The following ATP2A1 variants were observed in gnomAD, a reference collection of about 807,000 sequenced individuals.
ATP2A1 encodes the protein sarcoplasmic/endoplasmic reticulum calcium ATPase 1.
A neutral mutation model predicts 109.5 loss-of-function variants in ATP2A1; 83 were observed. The ratio of observed to expected loss-of-function variants is 0.76; its 90% CI spans 0.63 to 0.91. The LOEUF (loss-of-function observed/expected upper bound fraction) is 0.91, where lower values mean the gene tolerates loss of function less well. Ranked by LOEUF, ATP2A1 falls within the 40% of genes least tolerant of loss-of-function variation. The pLI is 0.00. For synonymous variants in ATP2A1, 505 were observed against 537.6 expected (o/e 0.94, Z 0.84); for missense variants, 1,101 against 1,341.0 (o/e 0.82, Z 2.80).
intron 9 of ATP2A1, among the ~76,000 whole-genome samples, chr16:28,890,883 G>T (rs1025134890): frequency 6.6e-6 from 1 of 151,972 alleles, no homozygotes; most frequent in East Asian, 2.0e-4. Context: ...ATGGGGTTTC[G>T]CCATGTTGAC....
chr16:28,885,936 CAGG>C (rs1963603504), intron 6 of ATP2A1, among the ~76,000 whole-genome samples: 1 of 151,518 alleles, frequency 6.6e-6, no homozygotes, highest in South Asian at 2.1e-4. Flanking sequence ...GAGGCTGAGG[CAGG>C]AGAATTACTT....
At position 28,902,239 on chromosome 16, in the gene ATP2A1, C is replaced by T. The variant is rs1023154084; in HGVS notation, c.2377C>T (p.Leu793=). ...LPEALIPVQL[L]WVNLVTDGLP... The stretch of plus-strand genomic sequence containing the variant: ...TGAGGCCCTGATCCCGGTGCAGCTG[C>T]TATGGGTGAACTTGGTGACCGACGG... The change falls in exon 17 of 23, where the codon CTA becomes TTA. Residue 793 remains leucine (L), a synonymous_variant. Coordinates refer to ENST00000395503, the MANE Select transcript of ATP2A1 (RefSeq NM_004320.6). The surrounding 1 kb of genome is among the most constrained non-coding windows in gnomAD (Gnocchi z 4.8). 8 of 1,614,020 alleles carry T rather than the reference C, an allele frequency of 5.0e-6. No homozygotes were observed. The highest frequency in any genetic ancestry group is 3.3e-5 in the Admixed American group (2 of 59,988).
intron 2 of ATP2A1, 40 bp downstream of exon 2, chr16:28,879,156 C>T (rs1359417325): frequency 6.2e-7 from 1 of 1,611,562 alleles, no homozygotes; most frequent in Non-Finnish European, 8.5e-7. Context: ...AAATGACCAC[C>T]CCCCACCCCG....
chr16:28,903,848 C>A lies in ATP2A1; in HGVS notation c.*37+107C>A. 1 of 1,114,270 alleles carries A rather than the reference C, an allele frequency of 9.0e-7. No homozygotes were observed. Among genetic ancestry groups the A allele is most frequent in the Non-Finnish European group, 1.4e-6 (1 of 733,710 alleles). 69.0% of individuals were successfully genotyped at this position (1,114,270 alleles called of 1,614,324 possible). On this transcript the variant is annotated intron_variant, in intron 22 of 22. Transcript: ENST00000395503. The surrounding 1 kb of genome is among the most constrained non-coding windows in gnomAD (Gnocchi z 5.6). ...AGGTCACTTGTGCTCGCAGCTCCAC[C>A]TGGAGCCGTTGCCACTGCTGCTGCT...
At position 28,887,491 on chromosome 16, in the gene ATP2A1, G is replaced by A; in HGVS notation, c.697G>A (p.Gly233Arg). Residue 233 changes from glycine (G) to arginine (R), a missense_variant, in exon 8 of 23, where the codon GGG becomes AGG. Gly to Arg is a moderately radical substitution (Grantham distance 125). Transcript: ENST00000395503. ...CACCACTGGTGTGGGCACCGAGATT[G>A]GGAAGATCCGAGACCAAATGGCTGC... ...VATTGVGTEIGKIRDQMAATE... is the reference protein window; with the variant it reads ...VATTGVGTEIRKIRDQMAATE... 1 of 1,614,114 alleles carries A rather than the reference G, an allele frequency of 6.2e-7. No homozygotes were observed. Among genetic ancestry groups the A allele is most frequent in the Non-Finnish European group, 8.5e-7 (1 of 1,180,012 alleles).
At chr16:28,893,131 C>G (rs908297931) in intron 9 of ATP2A1, among the ~76,000 whole-genome samples, 4 of 151,736 alleles carry the variant, frequency 2.6e-5, no homozygotes, top group African/African-American at 9.7e-5. Context: ...TGCCTGTACT[C>G]CCAGCACTTT....
In ATP2A1 at chr16:28,901,847, T is replaced by C; in HGVS notation, c.2101-16T>C. 6.2e-7 allele frequency: 1 copy of C among 1,611,170 alleles called. No homozygotes were observed. Among genetic ancestry groups the C allele is most frequent in the Non-Finnish European group, 8.5e-7 (1 of 1,178,178 alleles). On this transcript the variant is annotated splice_polypyrimidine_tract_variant and intron_variant, in intron 15 of 22. Coordinates refer to ENST00000395503, the MANE Select transcript of ATP2A1 (RefSeq NM_004320.6). ...GTGTGAAGGTGCCCTAAGCCCACCT[T>C]CTCCTCCTCCCTCAGACAGGTGATG...
intron 10 of ATP2A1, 64 bp from the exon 11 acceptor site, chr16:28,894,441 C>A: frequency 6.6e-7 from 1 of 1,504,832 alleles, no homozygotes; most frequent in Non-Finnish European, 9.1e-7. Flanking sequence ...TGTGCCCTCT[C>A]TGCATCTCAT....
rs886051883 is a variant in ATP2A1, at chr16:28,902,205, G to A, written c.2343G>A (p.Leu781=). ...EVVCIFLTAA[L]GLPEALIPVQ... is the part of the protein sequence containing the mutation. ...ACAGTATCTTCCTGACCGCTGCCCTGGGGCTGCCTGAGGCCCTGATCCCGG... is the reference window on the plus strand; with the variant it reads ...ACAGTATCTTCCTGACCGCTGCCCTAGGGCTGCCTGAGGCCCTGATCCCGG... The change falls in exon 17 of 23, where the codon CTG becomes CTA. Residue 781 remains leucine, a synonymous_variant. Transcript: ENST00000395503. The surrounding 1 kb of genome is among the most constrained non-coding windows in gnomAD (Gnocchi z 4.8). 28 of 1,614,022 alleles carry A rather than the reference G, an allele frequency of 1.7e-5. No individual in the cohort carries two copies. The highest frequency in any genetic ancestry group is 6.8e-6 in the Non-Finnish European group (8 of 1,180,022).
intron 9 of ATP2A1, chr16:28,892,461 G>A: frequency 4.5e-6 from 1 of 223,318 alleles, no homozygotes. Context: ...TGGCTCCTGG[G>A]CGAGACCCAC....
chr16:28,891,746 G>T (rs1305531094), intron 9 of ATP2A1, among the ~76,000 whole-genome samples: 1 of 151,750 alleles, frequency 6.6e-6, no homozygotes, highest in Non-Finnish European at 1.5e-5. Flanking sequence ...AGGCGTTGTG[G>T]TGGGCACCTG....
intron 12 of ATP2A1, among the ~76,000 whole-genome samples, chr16:28,895,224 A>T (rs1273161526): frequency 6.6e-6 from 1 of 152,218 alleles, no homozygotes; most frequent in East Asian, 1.9e-4. Context: ...GGAAACCACA[A>T]GGGACCCATC....
chr16:28,879,830 C>T (rs1302955652), intron 3 of ATP2A1: 5 of 629,360 alleles, frequency 7.9e-6, no homozygotes, highest in Non-Finnish European at 1.0e-5. Context: ...AAGCCACCCT[C>T]GCGGCTTCAA....
intron 9 of ATP2A1, among the ~76,000 whole-genome samples, chr16:28,891,914 A>G: frequency 6.7e-6 from 1 of 149,122 alleles, no homozygotes; most frequent in South Asian, 2.1e-4. Flanking sequence ...ATAAAAAAGT[A>G]AAAAAAAAAT....
intron 9 of ATP2A1, chr16:28,892,274 C>T (rs556353305): frequency 3.7e-5 from 9 of 240,692 alleles, no homozygotes; most frequent in South Asian, 7.6e-5. Context: ...GAAAAGCTGT[C>T]GTTTTTTTCT....
chr16:28,879,745 T>C (rs1963401138), intron 3 of ATP2A1, 162 bp downstream of exon 3: 7 of 848,766 alleles, frequency 8.2e-6, no homozygotes, highest in Non-Finnish European at 1.3e-5. Context: ...CGCGTCCTCC[T>C]CTCTCCTCCC....
intron 9 of ATP2A1, chr16:28,892,292 C>G (rs565481942): frequency 4.5e-5 from 12 of 268,954 alleles, no homozygotes; most frequent in African/African-American, 2.3e-4. Flanking sequence ...TCTTGGCTAT[C>G]TCAGTTCTTG....
Position 28,903,810 on chromosome 16 carries a change from C to T in ATP2A1, c.*37+69C>T, listed in dbSNP as rs559925789. On this transcript the variant is annotated intron_variant, in intron 22 of 22. Coordinates refer to ENST00000395503, the MANE Select transcript of ATP2A1 (RefSeq NM_004320.6). This position sits in a 1 kb window ranked among gnomAD's most constrained non-coding sequence, Gnocchi z 5.6. ...CCACCCGCGCCCCCTCAGCCCCTTGCGCGTCGCATCCAAGGTCACTTGTGC... is the reference window on the plus strand; with the variant it reads ...CCACCCGCGCCCCCTCAGCCCCTTGTGCGTCGCATCCAAGGTCACTTGTGC... 5.8e-5 allele frequency: 80 copies of T among 1,385,954 alleles called. No individual in the cohort carries two copies. The highest frequency in any genetic ancestry group is 7.9e-5 in the Non-Finnish European group (77 of 973,418). The allele number at this position is 1,385,954 out of a possible 1,614,324, so 85.9% of individuals were successfully genotyped here.
rs563217250 is a variant in ATP2A1 at position 28,901,595 on chromosome 16, T to C, written c.2101-268T>C. On this transcript the variant is annotated intron_variant, in intron 15 of 22. Transcript: ENST00000395503. ...TTGCAGTGAGCTGAGATTGCGCCAC[T>C]GCATTCCAGCCTGGGCGACAGAGTG... Among the ~76,000 whole-genome samples the C allele has an allele frequency of 6.6e-5, 10 of 152,250 alleles. No individual in the cohort carries two copies. In the East Asian group the frequency reaches 1.4e-3, roughly 21 times the overall value.
Sources: gnomAD v4.1 joint callset for allele counts (sites outside exome capture counted in the v4.1 genomes callset) on GRCh38, gnomAD v4.1.1 for gene constraint, Gnocchi (gnomAD v3.1) non-coding constraint, MANE v1.5 for transcripts, NCBI Gene and HGNC (gene_info 2026-07-23, HGNC 2026-07-21) for gene names.